PDE12: variants seen among roughly 807,000 people sequenced by gnomAD.
PDE12 encodes the protein 2',5'-phosphodiesterase 12.
A neutral mutation model predicts 45.4 loss-of-function variants in PDE12; 26 were observed. The ratio of observed to expected loss-of-function variants is 0.57; its 90% CI spans 0.42 to 0.79. The LOEUF is 0.79. Among genes scored for constraint, PDE12 ranks in the 30% least tolerant of loss-of-function variants. The probability of loss-of-function intolerance (pLI) is 0.00; values close to 1 mark genes in which losing one functional copy is unlikely to be tolerated. For missense variants in PDE12, 668 were observed against 790.0 expected (o/e 0.85, Z 1.85); for synonymous variants, 283 against 323.9 (o/e 0.87, Z 1.36).
At position 57,557,625 on chromosome 3, in the gene PDE12, GA is replaced by G. The variant is rs1335744079; in HGVS notation, c.1247del (p.Glu416GlyfsTer3). On this transcript the variant is annotated frameshift_variant, in exon 1 of 3. Transcript: ENST00000311180. LOFTEE classifies it high-confidence loss of function. ...CGACCCACTTCACAAAGAACTGCTG[GA>G]GAAACTAGTTTTGTACCCATCAGCG... is the stretch of plus-strand genomic sequence containing the variant. ...ESDPLHKELL[E>X]KLVLYPSAQE... is the part of the protein sequence containing the mutation. 1 of 1,614,100 alleles carries G rather than the reference GA, an allele frequency of 6.2e-7. No individual in the cohort carries two copies. The highest frequency in any genetic ancestry group is 1.7e-5 in the Admixed American group (1 of 60,012).
At chr3:57,570,030 C>G (rs897579040), downstream of PDE12, among the ~76,000 whole-genome samples, 7 of 151,932 alleles carry the variant, frequency 4.6e-5, no homozygotes, top group Non-Finnish European at 7.4e-5. Flanking sequence ...TAAGACTACA[C>G]ACACAACAAT....
At chr3:57,594,552 A>G in the PDE12 span, among the ~76,000 whole-genome samples, 3 of 152,248 alleles carry the variant, frequency 2.0e-5, no homozygotes, top group Admixed American at 6.5e-5. Context: ...CTAACTTCCA[A>G]TATCTTTTAA....
At chr3:57,650,248 T>C in the PDE12 span, among the ~76,000 whole-genome samples, 1 of 151,562 alleles carries the variant, frequency 6.6e-6, no homozygotes, top group Admixed American at 6.6e-5. Context: ...AAAGAACTTA[T>C]TCATGCAACC....
At chr3:57,640,810 A>C in the PDE12 span, among the ~76,000 whole-genome samples, 72 of 152,264 alleles carry the variant, frequency 4.7e-4, no homozygotes, top group Non-Finnish European at 7.6e-4. Context: ...AAATTTTCTC[A>C]TATCTTCTCA....
chr3:57,567,873 C>T (rs921963028), downstream of PDE12, among the ~76,000 whole-genome samples: 1 of 152,014 alleles, frequency 6.6e-6, no homozygotes, highest in Non-Finnish European at 1.5e-5. Flanking sequence ...TCAAGACTAG[C>T]CTGGCCAACA....
the PDE12 span, among the ~76,000 whole-genome samples, chr3:57,629,277 G>A: frequency 2.0e-5 from 3 of 152,246 alleles, no homozygotes; most frequent in East Asian, 1.9e-4. Flanking sequence ...TGTACACTTC[G>A]TGTTTTCGGA....
the PDE12 span, among the ~76,000 whole-genome samples, chr3:57,616,668 C>T: frequency 6.6e-6 from 1 of 152,300 alleles, no homozygotes; most frequent in African/African-American, 2.4e-5. Flanking sequence ...ACCAATTTGA[C>T]ACAAACTTCC....
At chr3:57,582,717 A>C in the PDE12 span, among the ~76,000 whole-genome samples, 88,957 of 148,976 alleles carry the variant, frequency 0.6, 26,923 homozygotes, top group South Asian at 0.8. Flanking sequence ...AAGTCTTAAA[A>C]ATATAAAGTG....
At position 57,557,275 on chromosome 3, in the gene PDE12, C is replaced by T; in HGVS notation, c.896C>T (p.Ser299Phe). The T allele has an allele frequency of 1.2e-6, 2 of 1,614,006 alleles. No homozygotes were observed. Among genetic ancestry groups the T allele is most frequent in the Non-Finnish European group, 1.7e-6 (2 of 1,180,040 alleles). Residue 299 changes from serine (S) to phenylalanine (F), a missense_variant, in exon 1 of 3, where the codon TCT becomes TTT. By Grantham distance (155) the Ser-to-Phe change is radical. Coordinates refer to ENST00000311180, the MANE Select transcript of PDE12 (RefSeq NM_177966.7). ...GAGGACGCTCTCATCCGCACTGTCT[C>T]TTACAACATCCTGGCAGACACGTAC... ...VTEDALIRTV[S>F]YNILADTYAQ...
chr3:57,639,953 T>C, the PDE12 span, among the ~76,000 whole-genome samples: 3 of 152,206 alleles, frequency 2.0e-5, no homozygotes, highest in Admixed American at 6.5e-5. Context: ...TATATCTATG[T>C]ATAACAAAAG....
the PDE12 span, among the ~76,000 whole-genome samples, chr3:57,612,790 T>C: frequency 1.3e-5 from 2 of 148,980 alleles, no homozygotes; most frequent in Non-Finnish European, 3.0e-5. Context: ...AAAAAAATTC[T>C]ATTAATTTGA....
downstream of PDE12, among the ~76,000 whole-genome samples, chr3:57,567,364 T>G (rs2069795399): frequency 6.6e-6 from 1 of 151,930 alleles, no homozygotes; most frequent in Admixed American, 6.6e-5. Context: ...GAAAAATGAC[T>G]GACAAGGTCA....
At chr3:57,592,646 C>T in the PDE12 span, among the ~76,000 whole-genome samples, 125,766 of 152,064 alleles carry the variant, frequency 0.83, 52,321 homozygotes, top group East Asian at 1. Flanking sequence ...TCAAAGTTTC[C>T]GACAGCCTAT....
the PDE12 span, among the ~76,000 whole-genome samples, chr3:57,614,313 TTCACAGAC>T: frequency 6.6e-6 from 1 of 152,162 alleles, no homozygotes; most frequent in African/African-American, 2.4e-5. Flanking sequence ...ACAAAGTATG[TTCACAGAC>T]CACACTGAAA....
At chr3:57,597,048 C>G in the PDE12 span, 3 of 1,611,746 alleles carry the variant, frequency 1.9e-6, no homozygotes, top group African/African-American at 4.0e-5. Flanking sequence ...TCCCAGGTCC[C>G]GCCTGACTCG....
At chr3:57,647,045 A>T in the PDE12 span, among the ~76,000 whole-genome samples, 43 of 152,304 alleles carry the variant, frequency 2.8e-4, no homozygotes, top group South Asian at 8.9e-3. Context: ...GACACTTGGT[A>T]ACTTTCACTT....
the PDE12 span, chr3:57,628,060 C>G: frequency 2.8e-6 from 3 of 1,066,300 alleles, no homozygotes; most frequent in Non-Finnish European, 1.3e-6. Flanking sequence ...CTAAAAAGGT[C>G]TGTTTATACA....
the PDE12 span, among the ~76,000 whole-genome samples, chr3:57,602,789 T>TC: frequency 5.3e-5 from 8 of 151,270 alleles, no homozygotes; most frequent in Non-Finnish European, 1.0e-4. Context: ...CAGGCTGGTC[T>TC]CCAACTCCTG....
the PDE12 span, among the ~76,000 whole-genome samples, chr3:57,599,852 CTT>C: frequency 2.7e-4 from 35 of 129,272 alleles, no homozygotes; most frequent in African/African-American, 6.9e-4. Flanking sequence ...TATTTACACT[CTT>C]TTTTTTTTTT....
Sources: allele counts gnomAD v4.1 joint callset (sites outside exome capture counted in the v4.1 genomes callset), GRCh38; gene constraint gnomAD v4.1.1; transcripts MANE v1.5; gene names NCBI Gene and HGNC (gene_info 2026-07-23, HGNC 2026-07-21).